The following PID1 variants were observed in gnomAD, a reference collection of about 807,000 sequenced individuals.
PID1 encodes the protein phosphotyrosine interaction domain containing 1, also known as PTB-containing, cubilin and LRP1-interacting protein.
A neutral mutation model predicts 19.1 loss-of-function variants in PID1; 10 were observed. The ratio of observed to expected loss-of-function variants is 0.52; its 90% CI spans 0.32 to 0.89. PID1 has a LOEUF of 0.89. Among genes scored for constraint, PID1 ranks in the 40% least tolerant of loss-of-function variants. The probability of loss-of-function intolerance (pLI) is 0.03; values close to 1 mark genes in which losing one functional copy is unlikely to be tolerated. For synonymous variants in PID1, 130 were observed against 116.0 expected (o/e 1.12, Z -0.78); for missense variants, 248 against 285.3 (o/e 0.87, Z 0.94).
At chr2:229,183,623 A>T (rs1690993666) in intron 1 of PID1, among the ~76,000 whole-genome samples, 3 of 152,232 alleles carry the variant, frequency 2.0e-5, no homozygotes, top group African/African-American at 7.2e-5. Context: ...TGGGTACATC[A>T]GTCTTTTGCT....
chr2:229,229,721 G>A (rs10933281), intron 1 of PID1, among the ~76,000 whole-genome samples: 70,168 of 152,064 alleles, frequency 0.46, 17,091 homozygotes, highest in East Asian at 0.76. Context: ...TACCATACAG[G>A]CAACTCAAAT....
intron 1 of PID1, among the ~76,000 whole-genome samples, chr2:229,270,643 C>CAAA (rs368188721): frequency 1.7e-5 from 2 of 116,402 alleles, no homozygotes; most frequent in East Asian, 5.9e-4. Flanking sequence ...CTGGTGACCA[C>CAAA]AAAAAAAAAA....
At chr2:229,243,795 C>A (rs1193452103) in intron 1 of PID1, among the ~76,000 whole-genome samples, 2 of 152,112 alleles carry the variant, frequency 1.3e-5, no homozygotes, top group Non-Finnish European at 1.5e-5. Context: ...TCCTCCAATA[C>A]CAAGAGAAAT....
chr2:229,139,015 G>GAA (rs1373285002), intron 2 of PID1, among the ~76,000 whole-genome samples: 1 of 84,864 alleles, frequency 1.2e-5, no homozygotes, highest in Non-Finnish European at 2.6e-5. Context: ...AAGAAAGAAA[G>GAA]AAAGAAAGAA....
intron 2 of PID1, among the ~76,000 whole-genome samples, chr2:229,123,402 C>A (rs1695562093): frequency 6.6e-6 from 1 of 152,146 alleles, no homozygotes; most frequent in South Asian, 2.1e-4. Flanking sequence ...GGACATACTG[C>A]ATTTTGTTCA....
At chr2:229,189,624 G>A (rs1691213354) in intron 1 of PID1, among the ~76,000 whole-genome samples, 1 of 152,206 alleles carries the variant, frequency 6.6e-6, no homozygotes, top group Non-Finnish European at 1.5e-5. Flanking sequence ...TTGAACCTGG[G>A]AGGCGGAGGT....
At chr2:229,223,628 C>G (rs550040506) in intron 1 of PID1, among the ~76,000 whole-genome samples, 6 of 152,322 alleles carry the variant, frequency 3.9e-5, no homozygotes, top group African/African-American at 1.4e-4. Context: ...GATGTGGAGT[C>G]TGGAGTCAGA....
At position 229,107,759 on chromosome 2, in the gene PID1, C is replaced by T. The variant is rs552619658; in HGVS notation, c.177+48059G>A. Among the ~76,000 whole-genome samples the T allele has an allele frequency of 1.8e-4, 27 of 152,294 alleles. 1 individual carries two copies. The South Asian group carries it at 5.0e-3, about 28-fold the overall frequency. ...GTGAGACACCCTCAGCATACAAACG[C>T]GTCTCTACTCTAAATGTGTTCTATG... On this transcript the variant is annotated intron_variant, in intron 2 of 2. Transcript: ENST00000392055.
At chr2:229,157,958 T>C (rs1410708288) in intron 1 of PID1, among the ~76,000 whole-genome samples, 3 of 151,730 alleles carry the variant, frequency 2.0e-5, no homozygotes, top group African/African-American at 7.2e-5. Flanking sequence ...AGTGCACGTA[T>C]CAAGAAGTGA....
At chr2:229,120,903 C>G (rs1183958682) in intron 2 of PID1, among the ~76,000 whole-genome samples, 1 of 151,988 alleles carries the variant, frequency 6.6e-6, no homozygotes, top group Non-Finnish European at 1.5e-5. Context: ...TGTTATAAAG[C>G]AAGGTTCCTC....
chr2:229,047,550 T>G (rs1693909516), intron 2 of PID1, among the ~76,000 whole-genome samples: 1 of 152,232 alleles, frequency 6.6e-6, no homozygotes, highest in African/African-American at 2.4e-5. Flanking sequence ...CTTCTATTTA[T>G]TTTATGGATC....
intron 2 of PID1, among the ~76,000 whole-genome samples, chr2:229,099,217 T>C (rs1048124095): frequency 3.9e-4 from 59 of 152,210 alleles, no homozygotes; most frequent in African/African-American, 1.3e-3. Flanking sequence ...TAAAAATACG[T>C]GTTTCAAACA....
chr2:229,031,514 C>T (rs1693555146), intron 2 of PID1, among the ~76,000 whole-genome samples: 1 of 150,786 alleles, frequency 6.6e-6, no homozygotes. Context: ...GCTATGATTG[C>T]ACCACTGCAC....
At chr2:229,047,116 T>C (rs569960803) in intron 2 of PID1, among the ~76,000 whole-genome samples, 2 of 152,358 alleles carry the variant, frequency 1.3e-5, no homozygotes, top group Non-Finnish European at 2.9e-5. Context: ...TCCCCAGTCC[T>C]GTCTGCCGCT....
rs73104944 is a variant in PID1, at chr2:229,203,371, C to T, written c.31-47407G>A. ...GTCTTCACCTAATGTCATCAATAGG[C>T]TCTTGAAAACTGCAACTTTAAGCGA... On this transcript the variant is annotated intron_variant, in intron 1 of 2. Coordinates refer to ENST00000392055, the MANE Select transcript of PID1 (RefSeq NM_001100818.2). Among the ~76,000 whole-genome samples the T allele has an allele frequency of 2.9e-3, 437 of 152,152 alleles. 2 individuals carry two copies. The highest frequency in any genetic ancestry group is 0.01 in the African/African-American group (422 of 41,518).
At chr2:229,161,284 A>G (rs901513946) in intron 1 of PID1, among the ~76,000 whole-genome samples, 3 of 152,212 alleles carry the variant, frequency 2.0e-5, no homozygotes, top group African/African-American at 7.2e-5. Context: ...AAGGAAAGAC[A>G]GAGATAGACA....
intron 2 of PID1, among the ~76,000 whole-genome samples, chr2:229,103,422 C>T (rs1038912078): frequency 1.6e-4 from 24 of 152,286 alleles, no homozygotes; most frequent in African/African-American, 5.8e-4. Context: ...GAGCTGAAAC[C>T]CTGAACCCTA....
At chr2:229,150,657 T>C (rs185187012) in intron 2 of PID1, among the ~76,000 whole-genome samples, 1 of 152,334 alleles carries the variant, frequency 6.6e-6, no homozygotes, top group African/African-American at 2.4e-5. Flanking sequence ...ACATATGTTA[T>C]GTGCTAAATC....
intron 1 of PID1, among the ~76,000 whole-genome samples, chr2:229,165,616 C>T (rs889242676): frequency 6.6e-6 from 1 of 151,700 alleles, no homozygotes; most frequent in African/African-American, 2.4e-5. Context: ...ATGAGACATG[C>T]AAAAATGGAA....
Sources: gnomAD v4.1 joint callset for allele counts (sites outside exome capture counted in the v4.1 genomes callset) on GRCh38, gnomAD v4.1.1 for gene constraint, MANE v1.5 for transcripts, NCBI Gene and HGNC (gene_info 2026-07-23, HGNC 2026-07-21) for gene names.